Variants in CCDC33 observed in about 807,000 individuals in gnomAD.
CCDC33 encodes the protein coiled-coil domain containing 33, also known as coiled-coil domain-containing protein 33.
Under a neutral mutation model 91.9 loss-of-function variants are expected in CCDC33, and 94 were observed. The observed-to-expected ratio is 1.02, with a 90% CI of 0.87 to 1.21. The LOEUF (loss-of-function observed/expected upper bound fraction) is 1.21, where lower values mean the gene tolerates loss of function less well. CCDC33 is among the 50% of genes most tolerant of loss of function. The pLI is 0.00. For synonymous variants in CCDC33, 396 were observed against 374.5 expected (o/e 1.06, Z -0.66); for missense variants, 940 against 935.5 (o/e 1.00, Z -0.06).
In CCDC33 at chr15:74,271,771, C is replaced by T. The variant is rs562871794; in HGVS notation, c.615C>T (p.Val205=). The change falls in exon 6 of 19, where the codon GTC becomes GTT. Residue 205 remains valine (V), a synonymous_variant. Transcript: ENST00000398814. ...NPNPIVVIAR[V]VPNYKEFKVS... ...ACCCCATAGTGGTGATTGCCCGGGTCGTTCCCAACTACAAGGAATTTAAGT... is the reference window on the plus strand; with the variant it reads ...ACCCCATAGTGGTGATTGCCCGGGTTGTTCCCAACTACAAGGAATTTAAGT... 281 of 1,613,874 alleles carry T rather than the reference C, an allele frequency of 1.7e-4. 2 individuals are homozygous for T. In the South Asian group the frequency reaches 2.9e-3, roughly 16 times the overall value.
intron 10 of CCDC33, among the ~76,000 whole-genome samples, chr15:74,283,818 ACC>A (rs869127055): frequency 1.1e-4 from 17 of 151,958 alleles, no homozygotes; most frequent in African/African-American, 2.2e-4. Context: ...ACACACACAC[ACC>A]CCCTCTACAT....
chr15:74,271,912 T>C (rs1244154909), intron 6 of CCDC33, 118 bp downstream of exon 6: 8 of 784,220 alleles, frequency 1.0e-5, no homozygotes, highest in Middle Eastern at 2.8e-4. Flanking sequence ...CCTCTACCCC[T>C]AAGGCCCTTC....
intron 10 of CCDC33, among the ~76,000 whole-genome samples, chr15:74,294,814 C>G (rs985103952): frequency 2.0e-5 from 3 of 152,024 alleles, no homozygotes; most frequent in African/African-American, 7.2e-5. Context: ...CACAGACAGC[C>G]AACTGCTAGA....
chr15:74,231,702 G>C (rs2142199658), upstream of CCDC33, among the ~76,000 whole-genome samples: 1 of 152,320 alleles, frequency 6.6e-6, no homozygotes, highest in East Asian at 1.9e-4. Context: ...TTCCCTCAGA[G>C]CATTTGTGTC....
intron 2 of CCDC33, among the ~76,000 whole-genome samples, chr15:74,258,020 G>A (rs1362320410): frequency 6.6e-6 from 1 of 152,228 alleles, no homozygotes; most frequent in Non-Finnish European, 1.5e-5. Context: ...TACCTTCTCA[G>A]GAAAGATTGA....
At chr15:74,226,270 T>G (rs2074793087) in intron 2 of CCDC33, among the ~76,000 whole-genome samples, 1 of 152,174 alleles carries the variant, frequency 6.6e-6, no homozygotes, top group Non-Finnish European at 1.5e-5. Context: ...CTGCTGGCAG[T>G]CAGAAGACTT....
chr15:74,314,000 C>T (rs1396659914), intron 11 of CCDC33, among the ~76,000 whole-genome samples: 2 of 152,190 alleles, frequency 1.3e-5, no homozygotes, highest in Non-Finnish European at 2.9e-5. Context: ...CACGGTGTTC[C>T]AGGCTGCTGC....
At chr15:74,305,377 T>G (rs1645053826) in intron 11 of CCDC33, among the ~76,000 whole-genome samples, 2 of 152,198 alleles carry the variant, frequency 1.3e-5, no homozygotes, top group African/African-American at 4.8e-5. Context: ...AGCCTCCATT[T>G]CTGTTCTTGT....
In CCDC33 at chr15:74,244,097, C is replaced by G; in HGVS notation, c.134C>G (p.Thr45Ser). Residue 45 changes from threonine to serine, a missense_variant, in exon 2 of 19, where the codon ACC becomes AGC. Transcript: ENST00000398814. The surrounding 1 kb of genome is among the most constrained non-coding windows in gnomAD (Gnocchi z 4.2). ...ATCATGGTCACCCTCCATGGGGCTA[C>G]CAACCTGCCTGCCTGCAAGGATGGC... ...ETIMVTLHGATNLPACKDGSE... is the reference protein window; with the variant it reads ...ETIMVTLHGASNLPACKDGSE... The G allele has an allele frequency of 1.9e-6, 3 of 1,613,952 alleles. No individual in the cohort carries two copies. Among genetic ancestry groups the G allele is most frequent in the Non-Finnish European group, 2.5e-6 (3 of 1,179,888 alleles).
intron 11 of CCDC33, among the ~76,000 whole-genome samples, chr15:74,310,822 G>A (rs555724848): frequency 6.6e-6 from 1 of 152,208 alleles, no homozygotes; most frequent in Non-Finnish European, 1.5e-5. Flanking sequence ...GGCCAAAAGA[G>A]GCTGGGTGAC....
chr15:74,272,749 C>T (rs932605120), intron 6 of CCDC33, 22 bp from the exon 7 acceptor site: 2 of 1,612,742 alleles, frequency 1.2e-6, no homozygotes, highest in Non-Finnish European at 1.7e-6. Flanking sequence ...AGAGCACTGA[C>T]CCTGTCTCCC....
chr15:74,311,241 C>T (rs2059987983), intron 11 of CCDC33, among the ~76,000 whole-genome samples: 1 of 152,164 alleles, frequency 6.6e-6, no homozygotes, highest in Non-Finnish European at 1.5e-5. Flanking sequence ...AGACAGGGCT[C>T]CTTCCCCCAG....
intron 1 of CCDC33, among the ~76,000 whole-genome samples, chr15:74,239,030 A>G (rs933139772): frequency 6.6e-6 from 1 of 152,200 alleles, no homozygotes; most frequent in Admixed American, 6.5e-5. Flanking sequence ...AACATGGGGG[A>G]CCATTTTTAA....
At chr15:74,312,179 T>G (rs2060004891) in intron 11 of CCDC33, among the ~76,000 whole-genome samples, 1 of 152,228 alleles carries the variant, frequency 6.6e-6, no homozygotes, top group Non-Finnish European at 1.5e-5. Context: ...TATGTTCCCC[T>G]TGTTCCAAAG....
chr15:74,270,596 C>G (rs1178361942), intron 5 of CCDC33, among the ~76,000 whole-genome samples: 1 of 152,062 alleles, frequency 6.6e-6, no homozygotes, highest in East Asian at 1.9e-4. Context: ...GCAGAGGAAT[C>G]GAAGGAGCAA....
chr15:74,306,299 G>T (rs546888279), intron 11 of CCDC33, among the ~76,000 whole-genome samples: 6 of 152,264 alleles, frequency 3.9e-5, no homozygotes, highest in East Asian at 1.9e-4. Context: ...CACAGAGGGG[G>T]TCTACCTAAT....
intron 11 of CCDC33, chr15:74,311,755 G>A (rs1391181098): frequency 6.6e-6 from 1 of 152,234 alleles, no homozygotes; most frequent in Non-Finnish European, 1.5e-5. Flanking sequence ...AGGCAGGAAT[G>A]ATGGTCACTA....
intron 2 of CCDC33, among the ~76,000 whole-genome samples, chr15:74,257,694 G>C (rs988920272): frequency 3.3e-5 from 5 of 152,354 alleles, no homozygotes; most frequent in African/African-American, 1.2e-4. Context: ...TCTCCTCTAA[G>C]TGGAAAGATC....
intron 2 of CCDC33, among the ~76,000 whole-genome samples, chr15:74,250,024 C>T (rs540626758): frequency 5.3e-4 from 81 of 152,232 alleles, no homozygotes; most frequent in African/African-American, 1.9e-3. Flanking sequence ...CTAGCCTGTA[C>T]TCTTTTTCCA....
Sources: gnomAD v4.1 joint callset for allele counts (sites outside exome capture counted in the v4.1 genomes callset) on GRCh38, gnomAD v4.1.1 for gene constraint, Gnocchi (gnomAD v3.1) non-coding constraint, MANE v1.5 for transcripts, NCBI Gene and HGNC (gene_info 2026-07-23, HGNC 2026-07-21) for gene names.